The following HELB variants were observed in gnomAD, a reference collection of about 807,000 sequenced individuals.
HELB encodes the protein DNA helicase B, also known as DNA 5'-3' helicase B.
HELB carries 96 observed loss-of-function variants against 101.7 expected under a neutral mutation model. That is an observed-to-expected ratio of 0.94 (90% CI 0.80 to 1.12). The LOEUF (loss-of-function observed/expected upper bound fraction) is 1.12. Ranked by LOEUF, HELB falls within the 50% of genes most tolerant of loss-of-function variation. The pLI is 0.00. For missense variants in HELB, 1,210 were observed against 1,291.9 expected (o/e 0.94, Z 0.97); for synonymous variants, 437 against 459.7 (o/e 0.95, Z 0.63).
downstream of HELB, chr12:66,339,889 T>C (rs988203049): frequency 1.2e-4 from 18 of 152,238 alleles, no homozygotes; most frequent in Non-Finnish European, 4.4e-5. Flanking sequence ...CCGGACTTAT[T>C]TGACTAGCAT....
Position 66,331,275 on chromosome 12 carries a change from A to G in HELB, c.2792A>G (p.Gln931Arg). Residue 931 changes from glutamine (Q) to arginine (R), a missense_variant, in exon 12 of 13, where the codon CAG (glutamine) becomes CGG (arginine). Physicochemically the swap from Gln to Arg is conservative, Grantham distance 43. Around this residue, in one of 2 missense-constraint regions of HELB, gnomAD observed 740 missense variants for 728.8 expected, o/e 1.02. Transcript: ENST00000247815. ...GTGTATGTGATTGCAGAGGAGTCTC[A>G]GCTCCGGAATGCCATTATGAAAAAC... ...CRVYVIAEES[Q>R]LRNAIMKNSF... 1 of 1,614,240 alleles carries G rather than the reference A, an allele frequency of 6.2e-7. No individual in the cohort carries two copies. Among genetic ancestry groups the G allele is most frequent in the Non-Finnish European group, 8.5e-7 (1 of 1,180,034 alleles).
rs767781158 is a variant in HELB at position 66,302,545 on chromosome 12, C to T, written c.-59C>T. The T allele has an allele frequency of 3.3e-6, 5 of 1,517,166 alleles. No individual in the cohort carries two copies. Among genetic ancestry groups the T allele is most frequent in the African/African-American group, 1.4e-5 (1 of 73,486 alleles). 94.0% of individuals were successfully genotyped at this position (1,517,166 alleles called of 1,614,324 possible). A position where few individuals can be genotyped will look rare whatever the true frequency, so the allele number is the denominator to read the frequency against. On this transcript the variant is annotated 5_prime_UTR_variant, in exon 1 of 13. Transcript: ENST00000247815. Reference sequence around the variant, plus strand: ...ACAGTCGTAGAACTGATTGGCTGATCATGACCATGCAGTTAGCCAGGGTTT... The same window carrying T: ...ACAGTCGTAGAACTGATTGGCTGATTATGACCATGCAGTTAGCCAGGGTTT...
intron 3 of HELB, among the ~76,000 whole-genome samples, chr12:66,309,060 G>A (rs190465863): frequency 1.3e-5 from 2 of 152,156 alleles, no homozygotes; most frequent in Admixed American, 1.3e-4. Context: ...TCAAGAAAAT[G>A]AGGCAGATGT....
downstream of HELB, chr12:66,342,595 T>G (rs1486492333): frequency 6.6e-6 from 1 of 152,142 alleles, no homozygotes; most frequent in Non-Finnish European, 1.5e-5. Flanking sequence ...GCCAGAATGG[T>G]CTCGATCTCC....
At chr12:66,304,385 G>A (rs1217479951) in intron 1 of HELB, among the ~76,000 whole-genome samples, 1 of 152,228 alleles carries the variant, frequency 6.6e-6, no homozygotes, top group Non-Finnish European at 1.5e-5. Flanking sequence ...GAAGGGCCAT[G>A]GCATTTTAAA....
chr12:66,333,558 C>T (rs1357321889), intron 12 of HELB, among the ~76,000 whole-genome samples: 1 of 151,922 alleles, frequency 6.6e-6, no homozygotes, highest in Non-Finnish European at 1.5e-5. Context: ...TGGTGGCAGT[C>T]ACCTGTAATC....
rs1440940146 is a variant in HELB, at chr12:66,323,986, C to G, written c.2301C>G (p.Asp767Glu). Residue 767 changes from aspartate (D) to glutamate (E), a missense_variant, in exon 10 of 13, where the codon GAC (aspartate) becomes GAG (glutamate). Physicochemically the swap from Asp to Glu is conservative, Grantham distance 45. This residue lies in a region of HELB where 740 missense variants were observed against 728.8 expected (regional missense o/e 1.02). Coordinates refer to ENST00000247815, the MANE Select transcript of HELB (RefSeq NM_001370285.1). ...CKHYTGHLTK[D>E]HQSRLVFGIG... ...ATATTATCATTTTCTATCCCAGAGA[C>G]CATCAGAGTAGACTTGTTTTTGGAA... The G allele has an allele frequency of 6.3e-7, 1 of 1,598,758 alleles. No individual in the cohort carries two copies. The highest frequency in any genetic ancestry group is 8.6e-7 in the Non-Finnish European group (1 of 1,166,712).
At position 66,315,363 on chromosome 12, in the gene HELB, C is replaced by A. The variant is rs2136998052; in HGVS notation, c.1980C>A (p.Leu660=). 1 of 1,597,110 alleles carries A rather than the reference C, an allele frequency of 6.3e-7. No homozygotes were observed. The highest frequency in any genetic ancestry group is 8.5e-7 in the Non-Finnish European group (1 of 1,172,516). ...LKTNHRAESQ[L]IVDNATRISR... ...CAAACCATAGAGCAGAATCTCAGCT[C>A]ATTGTGGACAATGCTACAAGGTATA... Residue 660 remains leucine (L), a synonymous_variant, in exon 6 of 13, where the codon CTC becomes CTA. Transcript: ENST00000247815.
intron 6 of HELB, among the ~76,000 whole-genome samples, chr12:66,316,399 T>C (rs2053605952): frequency 6.6e-6 from 1 of 152,094 alleles, no homozygotes; most frequent in Admixed American, 6.6e-5. Flanking sequence ...GTATATCTGG[T>C]TTTTACTCTT....
At chr12:66,322,540 G>C (rs2137005427) in intron 8 of HELB, among the ~76,000 whole-genome samples, 184 bp from the exon 9 acceptor site, 1 of 145,046 alleles carries the variant, frequency 6.9e-6, no homozygotes, top group Admixed American at 7.2e-5. Flanking sequence ...ACTCCAGCCT[G>C]GGCAACAAGA....
At chr12:66,320,728 G>GA (rs35324182) in intron 7 of HELB, among the ~76,000 whole-genome samples, 106,747 of 151,976 alleles carry the variant, frequency 0.7, 37,945 homozygotes, top group Middle Eastern at 0.83. Flanking sequence ...ATATTCCTTA[G>GA]GAAGCATATA....
intron 1 of HELB, among the ~76,000 whole-genome samples, chr12:66,304,452 T>C (rs542852704): frequency 6.6e-6 from 1 of 152,232 alleles, no homozygotes; most frequent in African/African-American, 2.4e-5. Flanking sequence ...AGGGGACTGA[T>C]TTTAGAAGAG....
Position 66,315,313 on chromosome 12 carries a change from A to G in HELB, c.1930A>G (p.Arg644Gly). The G allele has an allele frequency of 6.2e-7, 1 of 1,609,494 alleles. No individual in the cohort carries two copies. The highest frequency in any genetic ancestry group is 8.5e-7 in the Non-Finnish European group (1 of 1,177,688). ...LKDLFETLKS[R>G]NCAIELKTNH... Reference sequence around the variant, plus strand: ...AGATCTTTTTGAGACTCTTAAGTCAAGAAATTGTGCTATTGAGCTAAAGAC... The same window carrying G: ...AGATCTTTTTGAGACTCTTAAGTCAGGAAATTGTGCTATTGAGCTAAAGAC... Residue 644 changes from arginine to glycine, a missense_variant, in exon 6 of 13, where the codon AGA becomes GGA. This residue lies in a region of HELB where 740 missense variants were observed against 728.8 expected (regional missense o/e 1.02). Coordinates refer to ENST00000247815, the MANE Select transcript of HELB (RefSeq NM_001370285.1).
chr12:66,314,133 CA>C lies in HELB; in HGVS notation c.1829del (p.His610ProfsTer25), dbSNP rs775184836. On this transcript the variant is annotated frameshift_variant, in exon 5 of 13. Transcript: ENST00000247815. LOFTEE classifies it high-confidence loss of function. ...ATCGGTCTTAAATTTATTGTGTGAG[CA>C]CTCCAAACTTTCTAAGCTTATTATC... ...FKSVLNLLCEHSKLSKLIILG... is the reference protein window; with the variant it reads ...FKSVLNLLCEXSKLSKLIILG... 13 of 1,613,542 alleles carry C rather than the reference CA, an allele frequency of 8.1e-6. No homozygotes were observed. Among genetic ancestry groups the C allele is most frequent in the Non-Finnish European group, 1.0e-5 (12 of 1,179,584 alleles).
rs778051918 is a variant in HELB, at chr12:66,304,720, T to G, written c.188-11T>G. 24 of 1,541,836 alleles carry G rather than the reference T, an allele frequency of 1.6e-5. No individual in the cohort carries two copies. Among genetic ancestry groups the G allele is most frequent in the African/African-American group, 6.7e-5 (4 of 59,742 alleles). On this transcript the variant is annotated splice_polypyrimidine_tract_variant and intron_variant, in intron 1 of 12. Coordinates refer to ENST00000247815, the MANE Select transcript of HELB (RefSeq NM_001370285.1). Reference sequence around the variant, plus strand: ...GTTAACTTTTGTGGGTTTTTGTTTGTTTTTTTTTAGTTTCTATTTGTGATG... The same window carrying G: ...GTTAACTTTTGTGGGTTTTTGTTTGGTTTTTTTTAGTTTCTATTTGTGATG...
intron 1 of HELB, among the ~76,000 whole-genome samples, chr12:66,304,517 C>T (rs935066935): frequency 2.6e-5 from 4 of 152,166 alleles, no homozygotes; most frequent in Admixed American, 6.5e-5. Flanking sequence ...CAAAGACAAA[C>T]GAAACAGTGT....
chr12:66,331,654 G>A lies in HELB; in HGVS notation c.3162+9G>A, dbSNP rs1390382607. The stretch of plus-strand genomic sequence containing the variant: ...CAAGCAAAATTTTTATGGTAGGAGT[G>A]ATGTTTCCATGTTCCCAAGTTTTAT... On this transcript the variant is annotated intron_variant, in intron 12 of 12. Transcript: ENST00000247815. The A allele has an allele frequency of 1.9e-6, 3 of 1,584,576 alleles. No homozygotes were observed. Among genetic ancestry groups the A allele is most frequent in the Admixed American group, 1.7e-5 (1 of 57,248 alleles).
chr12:66,319,096 C>G lies in HELB; in HGVS notation c.2155+304C>G, dbSNP rs186419366. On this transcript the variant is annotated intron_variant, in intron 7 of 12. Transcript: ENST00000247815. ...TAATTCAGGTTCATTTAGGACAAAG[C>G]AAGTCTTAATTAATGAAGTTTTTCC... 1.4e-3 allele frequency among the ~76,000 whole-genome samples: 214 copies of G among 152,226 alleles called. 1 individual carries two copies. Among genetic ancestry groups the G allele is most frequent in the Non-Finnish European group, 2.4e-3 (162 of 67,974 alleles).
At chr12:66,303,973 A>G (rs1340944312) in intron 1 of HELB, among the ~76,000 whole-genome samples, 1 of 152,236 alleles carries the variant, frequency 6.6e-6, no homozygotes, top group Non-Finnish European at 1.5e-5. Flanking sequence ...GAGGAGAGAA[A>G]TTTTAAGTTT....
Sources: allele counts gnomAD v4.1 joint callset (sites outside exome capture counted in the v4.1 genomes callset), GRCh38; gene constraint gnomAD v4.1.1; regional missense constraint gnomAD v4.1.1; transcripts MANE v1.5; gene names NCBI Gene and HGNC (gene_info 2026-07-23, HGNC 2026-07-21).